OSBPL9: variants seen among roughly 807,000 people sequenced by gnomAD.
OSBPL9 encodes the protein oxysterol binding protein like 9.
OSBPL9 carries 40 observed loss-of-function variants against 106.6 expected under a neutral mutation model. The ratio of observed to expected loss-of-function variants is 0.38; its 90% CI spans 0.29 to 0.49. The LOEUF (loss-of-function observed/expected upper bound fraction) is 0.49. OSBPL9 is among the 20% of genes least tolerant of loss of function. The probability of loss-of-function intolerance (pLI) is 0.97; values close to 1 mark genes in which losing one functional copy is unlikely to be tolerated. For synonymous variants in OSBPL9, 269 were observed against 295.4 expected (o/e 0.91, Z 0.92); for missense variants, 609 against 887.2 (o/e 0.69, Z 3.98).
intron 17 of OSBPL9, 102 bp downstream of exon 17, chr1:51,782,745 T>A: frequency 1.1e-6 from 1 of 935,658 alleles, no homozygotes; most frequent in Non-Finnish European, 1.6e-6. Context: ...GTTGTGTGAC[T>A]AGCTGTGTGT....
chr1:51,616,987 T>A (rs910571807), upstream of OSBPL9: 113 of 1,489,760 alleles, frequency 7.6e-5, no homozygotes, highest in Admixed American at 3.3e-4. Flanking sequence ...CGCTGGAGCA[T>A]CTGCCGGCAC....
intron 4 of OSBPL9, among the ~76,000 whole-genome samples, chr1:51,725,616 C>G (rs1184334257): frequency 6.6e-6 from 1 of 152,132 alleles, no homozygotes; most frequent in East Asian, 1.9e-4. Context: ...GAACTTTTGT[C>G]AACTTCACAT....
At chr1:51,776,176 C>A (rs1158163579) in intron 14 of OSBPL9, among the ~76,000 whole-genome samples, 1 of 151,676 alleles carries the variant, frequency 6.6e-6, no homozygotes, top group Non-Finnish European at 1.5e-5. Context: ...TTGTTTATTC[C>A]TTTAATTGCT....
chr1:51,691,363 T>A (rs964321773), intron 3 of OSBPL9, among the ~76,000 whole-genome samples: 1 of 141,264 alleles, frequency 7.1e-6, no homozygotes, highest in South Asian at 2.4e-4. Context: ...CACTGCAACC[T>A]CTGACTCCTG....
At chr1:51,775,173 A>G (rs966959097) in intron 14 of OSBPL9, among the ~76,000 whole-genome samples, 11 of 152,156 alleles carry the variant, frequency 7.2e-5, no homozygotes, top group Non-Finnish European at 1.6e-4. Context: ...TGTTTACCTA[A>G]AATTTAAATG....
At chr1:51,574,345 C>A (rs776414166), upstream of OSBPL9, among the ~76,000 whole-genome samples, 24 of 152,156 alleles carry the variant, frequency 1.6e-4, no homozygotes, top group Non-Finnish European at 2.8e-4. Context: ...ACAGGCCGGG[C>A]GCGGTGGCTC....
the OSBPL9 span, among the ~76,000 whole-genome samples, chr1:51,536,233 G>C: frequency 9.9e-5 from 15 of 152,020 alleles, no homozygotes; most frequent in Non-Finnish European, 2.1e-4. Flanking sequence ...TCCCCCATCA[G>C]GTTCTGATCC....
Position 51,788,413 on chromosome 1 carries a change from ATTAT to A in OSBPL9, c.*626_*629del, listed in dbSNP as rs1322693722. On this transcript the variant is annotated 3_prime_UTR_variant, in exon 24 of 24. Coordinates refer to ENST00000428468, the MANE Select transcript of OSBPL9 (RefSeq NM_024586.6). ...CTAATCCTGGATTACAGTTTAATTA[ATTAT>A]TCTTAGTGCTTAAGGCTTCATAAAG... 1 of 152,648 alleles carries A rather than the reference ATTAT, an allele frequency of 6.6e-6. No individual in the cohort carries two copies. Among genetic ancestry groups the A allele is most frequent in the Non-Finnish European group, 1.5e-5 (1 of 68,050 alleles). The allele number at this position is 152,648 out of a possible 1,614,324, so 9.5% of individuals were successfully genotyped here. A position where few individuals can be genotyped will look rare whatever the true frequency, so the allele number is the denominator to read the frequency against.
At chr1:51,521,599 A>G in the OSBPL9 span, among the ~76,000 whole-genome samples, 1 of 150,110 alleles carries the variant, frequency 6.7e-6, no homozygotes, top group Non-Finnish European at 1.5e-5. Context: ...TTACCCAGGC[A>G]TGGTGGCACA....
chr1:51,558,651 C>G, the OSBPL9 span, among the ~76,000 whole-genome samples: 1 of 152,098 alleles, frequency 6.6e-6, no homozygotes, highest in Admixed American at 6.6e-5. Flanking sequence ...TAGCACCCCG[C>G]CTGCCAAGCT....
chr1:51,601,582 T>TATTC (rs1464110100), intron 2 of OSBPL9, among the ~76,000 whole-genome samples: 2 of 152,232 alleles, frequency 1.3e-5, no homozygotes, highest in African/African-American at 4.8e-5. Context: ...TTTGATGGAA[T>TATTC]ATTCTTCCCC....
At chr1:51,586,965 G>C (rs918537714) in intron 1 of OSBPL9, among the ~76,000 whole-genome samples, 1 of 152,130 alleles carries the variant, frequency 6.6e-6, no homozygotes, top group Non-Finnish European at 1.5e-5. Context: ...AGGTGATGTC[G>C]ATAGGACAGC....
intron 1 of OSBPL9, among the ~76,000 whole-genome samples, chr1:51,591,740 T>A (rs913391231): frequency 6.6e-6 from 1 of 151,798 alleles, no homozygotes; most frequent in Non-Finnish European, 1.5e-5. Flanking sequence ...TGCAGTGAGC[T>A]GAGATCATGC....
intron 1 of OSBPL9, among the ~76,000 whole-genome samples, chr1:51,641,849 A>G (rs1439656703): frequency 3.9e-5 from 6 of 152,206 alleles, no homozygotes; most frequent in South Asian, 4.1e-4. Context: ...CTGACAGTAT[A>G]TCGAAGAGAA....
chr1:51,566,228 C>A, the OSBPL9 span: 10 of 152,206 alleles, frequency 6.6e-5, no homozygotes, highest in African/African-American at 2.4e-4. Context: ...CTGAACAACT[C>A]CTTGAGGGAT....
chr1:51,771,385 C>CT (rs1262662957), intron 12 of OSBPL9, among the ~76,000 whole-genome samples: 1 of 152,010 alleles, frequency 6.6e-6, no homozygotes, highest in Non-Finnish European at 1.5e-5. Context: ...AACCCAGTGA[C>CT]TTGGGTGGCT....
chr1:51,610,527 G>A (rs1643980420), intron 2 of OSBPL9, among the ~76,000 whole-genome samples: 1 of 152,186 alleles, frequency 6.6e-6, no homozygotes, highest in African/African-American at 2.4e-5. Flanking sequence ...TTCAACATGG[G>A]CTGCTATGCC....
intron 11 of OSBPL9, among the ~76,000 whole-genome samples, chr1:51,762,460 T>C (rs1454342614): frequency 6.6e-6 from 1 of 152,214 alleles, no homozygotes; most frequent in East Asian, 1.9e-4. Flanking sequence ...GCACCATGCC[T>C]GGAATAATTT....
intron 1 of OSBPL9, among the ~76,000 whole-genome samples, chr1:51,586,186 T>C (rs988822582): frequency 1.3e-5 from 2 of 149,256 alleles, no homozygotes; most frequent in Admixed American, 1.3e-4. Flanking sequence ...AAAAATAAAT[T>C]AATAATAATA....
Sources: gnomAD v4.1 joint callset for allele counts (sites outside exome capture counted in the v4.1 genomes callset) on GRCh38, gnomAD v4.1.1 for gene constraint, MANE v1.5 for transcripts, NCBI Gene and HGNC (gene_info 2026-07-23, HGNC 2026-07-21) for gene names.